Variants in FGD5 observed in about 807,000 individuals in gnomAD.
The protein encoded by FGD5 is FYVE, RhoGEF and PH domain-containing protein 5.
A neutral mutation model predicts 133.4 loss-of-function variants in FGD5; 28 were observed. The ratio of observed to expected loss-of-function variants is 0.21; its 90% CI spans 0.16 to 0.29. The LOEUF is 0.29. FGD5 is among the 10% of genes least tolerant of loss of function. The probability of loss-of-function intolerance (pLI) is 1.00; values close to 1 mark genes in which losing one functional copy is unlikely to be tolerated. For missense variants in FGD5, 1,858 were observed against 1,895.2 expected (o/e 0.98, Z 0.36); for synonymous variants, 810 against 776.5 (o/e 1.04, Z -0.72).
chr3:14,925,840 C>T (rs779950816), intron 17 of FGD5, among the ~76,000 whole-genome samples: 33 of 152,200 alleles, frequency 2.2e-4, no homozygotes, highest in Admixed American at 5.9e-4. Context: ...CACTAGAGGG[C>T]AGCATCAGCA....
intron 1 of FGD5, among the ~76,000 whole-genome samples, chr3:14,812,342 T>C (rs2036307843): frequency 6.6e-6 from 1 of 152,210 alleles, no homozygotes; most frequent in Non-Finnish European, 1.5e-5. Flanking sequence ...CTGGCGTGGC[T>C]GAACAGAGCC....
chr3:14,901,690 C>A (rs1009829906), intron 9 of FGD5, among the ~76,000 whole-genome samples: 3 of 152,230 alleles, frequency 2.0e-5, no homozygotes, highest in Admixed American at 2.0e-4. Flanking sequence ...GTCACATCTT[C>A]TGCAGGCACA....
chr3:14,865,459 C>T (rs1446177504), intron 2 of FGD5, among the ~76,000 whole-genome samples: 1 of 152,148 alleles, frequency 6.6e-6, no homozygotes, highest in Non-Finnish European at 1.5e-5. Context: ...CTACAGGAGC[C>T]CTCAAGAGAG....
chr3:14,822,142 A>G (rs2036518084), intron 1 of FGD5, among the ~76,000 whole-genome samples: 1 of 152,164 alleles, frequency 6.6e-6, no homozygotes, highest in Non-Finnish European at 1.5e-5. Flanking sequence ...AAAGAAAATC[A>G]GAGTAGATAT....
At chr3:14,913,854 T>C (rs1361959082) in intron 11 of FGD5, among the ~76,000 whole-genome samples, 1 of 152,114 alleles carries the variant, frequency 6.6e-6, no homozygotes, top group Non-Finnish European at 1.5e-5. Flanking sequence ...CAAGCCAAGC[T>C]CAGATAGCAC....
In FGD5 at chr3:14,880,592, C is replaced by T; in HGVS notation, c.2679C>T (p.Ala893=). ...VTHKVEGQSR[A]LVIAQELLSS... ...CACAGGTGGAAGGACAGTCCAGAGC[C>T]CTTGTCATCGCACAGGAACTGCTAT... Residue 893 remains alanine, a synonymous_variant, in exon 3 of 20, where the codon GCC becomes GCT. Coordinates refer to ENST00000285046, the MANE Select transcript of FGD5 (RefSeq NM_152536.4). The T allele has an allele frequency of 6.2e-7, 1 of 1,613,910 alleles. No individual in the cohort carries two copies. Among genetic ancestry groups the T allele is most frequent in the East Asian group, 2.2e-5 (1 of 44,864 alleles).
chr3:14,851,366 G>A (rs539678400), intron 1 of FGD5, among the ~76,000 whole-genome samples: 1 of 152,202 alleles, frequency 6.6e-6, no homozygotes, highest in Non-Finnish European at 1.5e-5. Flanking sequence ...CAAGGTCATT[G>A]GGCTGATAAG....
chr3:14,837,628 G>T (rs1438159590), intron 1 of FGD5, among the ~76,000 whole-genome samples: 1 of 151,876 alleles, frequency 6.6e-6, no homozygotes, highest in Non-Finnish European at 1.5e-5. Context: ...CCACGGAGAG[G>T]GGGATAGGCT....
intron 1 of FGD5, among the ~76,000 whole-genome samples, chr3:14,841,002 T>C (rs866386967): frequency 5.9e-5 from 9 of 152,332 alleles, no homozygotes; most frequent in African/African-American, 1.9e-4. Flanking sequence ...AAATACTCCA[T>C]TGAATGATTG....
chr3:14,906,826 C>T (rs923434023), intron 9 of FGD5, among the ~76,000 whole-genome samples: 2 of 152,232 alleles, frequency 1.3e-5, no homozygotes, highest in African/African-American at 4.8e-5. Context: ...CCAGTTCACT[C>T]GGTTGCCTTG....
In FGD5 at chr3:14,901,021, C is replaced by T; in HGVS notation, c.3224C>T (p.Ser1075Phe). 6.2e-7 allele frequency: 1 copy of T among 1,614,018 alleles called. No individual in the cohort carries two copies. The change falls in exon 9 of 20, where the codon TCC (serine) becomes TTC (phenylalanine). Residue 1075 changes from serine to phenylalanine, a missense_variant. By Grantham distance (155) the Ser-to-Phe change is radical (BLOSUM62 -2). Transcript: ENST00000285046. ...DNTQGALSLI[S>F]KVTDRANDSM... ...TCCCCAGGTGCACTGAGCCTCATCTCCAAAGTCACAGACCGTGCCAACGAC... is the reference window on the plus strand; with the variant it reads ...TCCCCAGGTGCACTGAGCCTCATCTTCAAAGTCACAGACCGTGCCAACGAC...
chr3:14,884,403 C>A (rs1362980474), intron 4 of FGD5, among the ~76,000 whole-genome samples: 2 of 152,232 alleles, frequency 1.3e-5, no homozygotes, highest in African/African-American at 4.8e-5. Context: ...ACCTCTCTGG[C>A]AGTACCTCCT....
intron 1 of FGD5, among the ~76,000 whole-genome samples, chr3:14,844,217 A>AAAATATATAT (rs1559477363): frequency 9.8e-5 from 2 of 20,378 alleles, no homozygotes; most frequent in African/African-American, 2.1e-4. Flanking sequence ...AAAAAAAAAA[A>AAAATATATAT]ATATATATAT....
intron 1 of FGD5, among the ~76,000 whole-genome samples, chr3:14,831,609 C>T (rs925908897): frequency 6.6e-6 from 1 of 152,124 alleles, no homozygotes; most frequent in African/African-American, 2.4e-5. Context: ...GGCCCAGCCA[C>T]ACCAGAGGGA....
chr3:14,929,248 A>G (rs1029257585), intron 18 of FGD5, among the ~76,000 whole-genome samples: 1 of 152,216 alleles, frequency 6.6e-6, no homozygotes, highest in African/African-American at 2.4e-5. Flanking sequence ...TTCACCAGTC[A>G]AAGGACATTT....
At chr3:14,920,912 G>A (rs2038667344) in intron 13 of FGD5, among the ~76,000 whole-genome samples, 1 of 152,250 alleles carries the variant, frequency 6.6e-6, no homozygotes, top group South Asian at 2.1e-4. Context: ...CCCATCTGGA[G>A]GAGTGAGGGA....
chr3:14,831,662 G>C (rs2036710398), intron 1 of FGD5, among the ~76,000 whole-genome samples: 1 of 152,204 alleles, frequency 6.6e-6, no homozygotes, highest in South Asian at 2.1e-4. Flanking sequence ...GAAAAGGAGT[G>C]TGTTGAATTT....
At chr3:14,811,849 C>T (rs2036299071) in intron 1 of FGD5, among the ~76,000 whole-genome samples, 1 of 152,118 alleles carries the variant, frequency 6.6e-6, no homozygotes, top group Non-Finnish European at 1.5e-5. Context: ...TGCCAAGGAG[C>T]AATCACCACT....
rs1162424159 is a variant in FGD5, at chr3:14,820,655, G to A, written c.1584G>A (p.Gly528=). ...EVGKTLLSLE[G]KPLEASRALP... ...GAAAGACGCTTTTGTCATTGGAGGG[G>A]AAGCCCTTGGAAGCCAGCAGGGCCT... The change falls in exon 1 of 20, where the codon GGG becomes GGA. Residue 528 remains glycine (G), a synonymous_variant. Transcript: ENST00000285046. The A allele has an allele frequency of 6.3e-7, 1 of 1,598,616 alleles. No homozygotes were observed. The highest frequency in any genetic ancestry group is 8.5e-7 in the Non-Finnish European group (1 of 1,173,320).
Sources: gnomAD v4.1 joint callset for allele counts (sites outside exome capture counted in the v4.1 genomes callset) on GRCh38, gnomAD v4.1.1 for gene constraint, MANE v1.5 for transcripts, NCBI Gene and HGNC (gene_info 2026-07-23, HGNC 2026-07-21) for gene names.